The following EPHB1 variants were observed in gnomAD, a reference collection of about 807,000 sequenced individuals.
EPHB1 encodes the protein ephrin type-B receptor 1.
In EPHB1, 30 loss-of-function variants were observed where a neutral mutation model predicts 94.4. The observed-to-expected ratio is 0.32, with a 90% confidence interval of 0.24 to 0.43. The LOEUF is 0.43. Ranked by LOEUF, EPHB1 falls within the 20% of genes least tolerant of loss-of-function variation. The pLI, the probability that EPHB1 is intolerant of heterozygous loss-of-function variation, is 1.00. For synonymous variants in EPHB1, 522 were observed against 489.1 expected, an observed-to-expected ratio of 1.07 and a Z score of -0.89; for missense variants, 1,055 against 1,308.3, an observed-to-expected ratio of 0.81 and a Z score of 2.99.
intron 3 of EPHB1, among the ~76,000 whole-genome samples, chr3:135,099,954 A>G (rs1214207354): frequency 6.6e-6 from 1 of 152,182 alleles, no homozygotes; most frequent in African/African-American, 2.4e-5. Flanking sequence ...TTGCCCCATG[A>G]GGCAGGCTGA....
intron 12 of EPHB1, 79 bp from the exon 13 acceptor site, chr3:135,241,069 G>A (rs1394715504): frequency 5.0e-5 from 77 of 1,550,220 alleles, no homozygotes; most frequent in East Asian, 2.2e-5. Flanking sequence ...TTGGAAGAAT[G>A]TGCATGCCAA....
chr3:134,963,906 A>G (rs1933625955), intron 3 of EPHB1, among the ~76,000 whole-genome samples: 1 of 152,224 alleles, frequency 6.6e-6, no homozygotes, highest in African/African-American at 2.4e-5. Context: ...GGGATGAACC[A>G]GGAAATTCAT....
At chr3:134,843,957 A>G (rs1255463339) in intron 1 of EPHB1, among the ~76,000 whole-genome samples, 1 of 151,902 alleles carries the variant, frequency 6.6e-6, no homozygotes, top group Non-Finnish European at 1.5e-5. Flanking sequence ...GTTTCTTTGG[A>G]TGTGTCATAA....
At chr3:134,823,354 A>G (rs2036417410) in intron 1 of EPHB1, among the ~76,000 whole-genome samples, 1 of 152,160 alleles carries the variant, frequency 6.6e-6, no homozygotes, top group African/African-American at 2.4e-5. Context: ...AGCAAAGTCC[A>G]TGTCATCGTG....
intron 1 of EPHB1, among the ~76,000 whole-genome samples, chr3:134,837,238 C>A (rs1051988666): frequency 1.3e-5 from 2 of 152,196 alleles, no homozygotes; most frequent in Non-Finnish European, 2.9e-5. Flanking sequence ...ATAATCTAAT[C>A]TTTTAAGCAT....
intron 12 of EPHB1, among the ~76,000 whole-genome samples, chr3:135,224,409 A>G (rs1303952055): frequency 1.3e-5 from 2 of 152,216 alleles, no homozygotes; most frequent in Admixed American, 1.3e-4. Flanking sequence ...CTATAATCCT[A>G]CATAAATGTT....
intron 3 of EPHB1, among the ~76,000 whole-genome samples, chr3:135,031,515 GTCCA>G (rs1465159723): frequency 6.6e-6 from 1 of 152,124 alleles, no homozygotes; most frequent in South Asian, 2.1e-4. Context: ...TCTCCACATT[GTCCA>G]TGCTGGTCTT....
chr3:135,174,813 CAGAATGA>C (rs1941929267), intron 9 of EPHB1, among the ~76,000 whole-genome samples: 1 of 152,156 alleles, frequency 6.6e-6, no homozygotes, highest in African/African-American at 2.4e-5. Context: ...GCCTTGAATC[CAGAATGA>C]AGAACAAAAA....
At chr3:135,160,779 C>T (rs3772643) in intron 6 of EPHB1, among the ~76,000 whole-genome samples, 15,987 of 152,186 alleles carry the variant, frequency 0.11, 1,074 homozygotes, top group African/African-American at 0.19. Context: ...GTCCACAGCC[C>T]AGACTGGTGA....
At chr3:134,846,739 T>C (rs546660513) in intron 1 of EPHB1, among the ~76,000 whole-genome samples, 2 of 152,236 alleles carry the variant, frequency 1.3e-5, no homozygotes, top group East Asian at 1.9e-4. Flanking sequence ...GCAGGCAGGC[T>C]GAGTGCTCTG....
At chr3:135,174,530 T>G (rs764979022) in intron 9 of EPHB1, among the ~76,000 whole-genome samples, 1 of 152,198 alleles carries the variant, frequency 6.6e-6, no homozygotes, top group Non-Finnish European at 1.5e-5. Context: ...AGATGTGGGC[T>G]CCTGATCCAA....
intron 1 of EPHB1, among the ~76,000 whole-genome samples, chr3:134,899,105 G>A (rs1439817808): frequency 6.6e-6 from 1 of 152,122 alleles, no homozygotes; most frequent in Non-Finnish European, 1.5e-5. Flanking sequence ...GCTGGACTGT[G>A]GGGTGGAGGA....
At chr3:135,218,179 T>A (rs1943198146) in intron 12 of EPHB1, among the ~76,000 whole-genome samples, 1 of 152,092 alleles carries the variant, frequency 6.6e-6, no homozygotes, top group Non-Finnish European at 1.5e-5. Context: ...ACCCTTTAAT[T>A]GAAGCCAGGA....
intron 3 of EPHB1, among the ~76,000 whole-genome samples, chr3:134,987,056 C>T (rs757354991): frequency 3.3e-5 from 5 of 152,130 alleles, no homozygotes; most frequent in Non-Finnish European, 7.3e-5. Context: ...CATCAAGATA[C>T]TTACACAGAG....
intron 1 of EPHB1, among the ~76,000 whole-genome samples, chr3:134,858,265 C>A (rs965240137): frequency 1.3e-5 from 2 of 151,980 alleles, no homozygotes; most frequent in African/African-American, 4.8e-5. Flanking sequence ...GCCCCAGAAG[C>A]CTATTCTATT....
chr3:135,128,794 C>T (rs528062271), intron 4 of EPHB1, among the ~76,000 whole-genome samples: 50 of 152,090 alleles, frequency 3.3e-4, no homozygotes, highest in Middle Eastern at 3.2e-3. Flanking sequence ...GTATTAGTTA[C>T]GGGAGTAAAT....
chr3:135,100,909 T>C (rs1037113974), intron 3 of EPHB1, among the ~76,000 whole-genome samples: 1 of 152,040 alleles, frequency 6.6e-6, no homozygotes, highest in South Asian at 2.1e-4. Context: ...TCTTGTCTCC[T>C]CCCCTTTTCT....
chr3:134,801,184 G>C (rs1279480276), intron 1 of EPHB1, among the ~76,000 whole-genome samples: 2 of 152,182 alleles, frequency 1.3e-5, no homozygotes, highest in South Asian at 4.1e-4. Context: ...TCAAGCTCCA[G>C]TTTCCATGTA....
At chr3:135,080,231 C>T (rs1004809299) in intron 3 of EPHB1, among the ~76,000 whole-genome samples, 1 of 152,126 alleles carries the variant, frequency 6.6e-6, no homozygotes, top group Non-Finnish European at 1.5e-5. Flanking sequence ...AGGTGTGATG[C>T]ACTCTGCAGG....
Sources: gnomAD v4.1 joint callset for allele counts (sites outside exome capture counted in the v4.1 genomes callset) on GRCh38, gnomAD v4.1.1 for gene constraint, MANE v1.5 for transcripts, NCBI Gene and HGNC (gene_info 2026-07-23, HGNC 2026-07-21) for gene names.